SLC1A7: variants seen among roughly 807,000 people sequenced by gnomAD.
SLC1A7 encodes the protein excitatory amino acid transporter 5.
Under a neutral mutation model 47.7 loss-of-function variants are expected in SLC1A7, and 40 were observed. The observed-to-expected ratio is 0.84, with a 90% confidence interval of 0.65 to 1.09. The LOEUF is 1.09. Among genes scored for constraint, SLC1A7 ranks in the 50% least tolerant of loss-of-function variants. SLC1A7 has a pLI of 0.00. For synonymous variants in SLC1A7, 323 were observed against 325.6 expected (o/e 0.99, Z 0.09); for missense variants, 746 against 769.5 (o/e 0.97, Z 0.36).
chr1:53,125,191 G>T (rs1644869110), intron 2 of SLC1A7, among the ~76,000 whole-genome samples: 1 of 152,210 alleles, frequency 6.6e-6, no homozygotes, highest in Admixed American at 6.5e-5. Context: ...GTCCCGTCCA[G>T]ATGATTCGTT....
At chr1:53,097,135 G>T (rs1412534849) in intron 5 of SLC1A7, among the ~76,000 whole-genome samples, 1 of 121,720 alleles carries the variant, frequency 8.2e-6, no homozygotes, top group Non-Finnish European at 1.7e-5. Context: ...ACACCTACAC[G>T]CCCCGCCTTG....
intron 1 of SLC1A7, among the ~76,000 whole-genome samples, chr1:53,139,941 A>G (rs1645040424): frequency 6.6e-6 from 1 of 152,220 alleles, no homozygotes; most frequent in Non-Finnish European, 1.5e-5. Flanking sequence ...TGAGACACTC[A>G]TACACCAAGA....
chr1:53,100,373 CCCA>C (rs963083775), intron 5 of SLC1A7, among the ~76,000 whole-genome samples: 10 of 148,234 alleles, frequency 6.7e-5, no homozygotes, highest in Non-Finnish European at 1.0e-4. Flanking sequence ...ACTCACACGC[CCCA>C]CCTCGGTACA....
At chr1:53,089,287 CAG>C (rs1258500873) in intron 9 of SLC1A7, among the ~76,000 whole-genome samples, 1 of 149,560 alleles carries the variant, frequency 6.7e-6, no homozygotes, top group Non-Finnish European at 1.5e-5. Context: ...TTTTTTGAGA[CAG>C]AGTCTTGCTC....
At chr1:53,123,869 G>A (rs186740562) in intron 2 of SLC1A7, among the ~76,000 whole-genome samples, 243 of 152,322 alleles carry the variant, frequency 1.6e-3, no homozygotes, top group African/African-American at 5.7e-3. Context: ...CAGGTCCCAG[G>A]GCTCACACCA....
At chr1:53,089,764 C>A in intron 9 of SLC1A7, 36 bp downstream of exon 9, 10 of 1,610,384 alleles carry the variant, frequency 6.2e-6, no homozygotes, top group Non-Finnish European at 8.5e-6. Context: ...GTCAGCCCCT[C>A]CCAGAGGGCT....
chr1:53,113,700 G>A (rs910134871), intron 3 of SLC1A7, among the ~76,000 whole-genome samples: 2 of 152,030 alleles, frequency 1.3e-5, no homozygotes, highest in Non-Finnish European at 2.9e-5. Flanking sequence ...GGATCATGCC[G>A]CTTCTCTGTA....
intron 1 of SLC1A7, among the ~76,000 whole-genome samples, chr1:53,137,458 G>A (rs141355667): frequency 5.1e-4 from 77 of 151,986 alleles, no homozygotes; most frequent in African/African-American, 1.8e-3. Context: ...TCATCATTTT[G>A]ACATCTATCA....
chr1:53,105,603 A>G, intron 4 of SLC1A7, 129 bp downstream of exon 4: 2 of 794,700 alleles, frequency 2.5e-6, no homozygotes, highest in South Asian at 2.8e-5. Flanking sequence ...CCCCTCTAGC[A>G]TCCCACCTCC....
chr1:53,134,265 C>A, intron 2 of SLC1A7, 85 bp downstream of exon 2: 2 of 964,840 alleles, frequency 2.1e-6, no homozygotes, highest in Admixed American at 2.1e-5. Flanking sequence ...TGCTCTCCAG[C>A]CACCCACAGC....
At chr1:53,122,499 C>T (rs149619485) in intron 2 of SLC1A7, among the ~76,000 whole-genome samples, 1 of 152,326 alleles carries the variant, frequency 6.6e-6, no homozygotes, top group African/African-American at 2.4e-5. Context: ...TTCTTTTCCC[C>T]TGAGCAGAAG....
intron 2 of SLC1A7, among the ~76,000 whole-genome samples, chr1:53,124,051 G>C (rs995084264): frequency 4.6e-5 from 7 of 152,256 alleles, no homozygotes; most frequent in Non-Finnish European, 8.8e-5. Context: ...TCCCAAACCA[G>C]ACTTTGACGG....
chr1:53,092,879 C>G lies in SLC1A7; in HGVS notation c.798-92G>C, dbSNP rs975883618. On this transcript the variant is annotated intron_variant, in intron 6 of 10. Coordinates refer to ENST00000371494, the MANE Select transcript of SLC1A7 (RefSeq NM_006671.6). ...ATCGCTGCGCGGCCTTCCCCCTGAG[C>G]TTCCTGGGGCTCCTGCGAGGACAGA... 5 of 797,706 alleles carry G rather than the reference C, an allele frequency of 6.3e-6. No individual in the cohort carries two copies. The Admixed American group carries it at 8.1e-5, about 13-fold the overall frequency. 49.4% of individuals were successfully genotyped at this position (797,706 alleles called of 1,614,324 possible).
chr1:53,129,331 G>A (rs1644915159), intron 2 of SLC1A7, among the ~76,000 whole-genome samples: 1 of 152,162 alleles, frequency 6.6e-6, no homozygotes, highest in African/African-American at 2.4e-5. Flanking sequence ...GGACACTGAG[G>A]CTCAGATGCT....
rs1463656319 is a variant in SLC1A7, at chr1:53,090,796, G to T, written c.1042C>A (p.Leu348Met). The T allele has an allele frequency of 6.2e-7, 1 of 1,611,662 alleles. No homozygotes were observed. The highest frequency in any genetic ancestry group is 8.5e-7 in the Non-Finnish European group (1 of 1,178,976). Residue 348 changes from leucine (L) to methionine (M), a missense_variant, in exon 8 of 11, where the codon CTG becomes ATG. Coordinates refer to ENST00000371494, the MANE Select transcript of SLC1A7 (RefSeq NM_006671.6). ...ALATSSSSAT[L>M]PITFKCLLEN... ...AGCAGGCACTTGAAGGTGATGGGCA[G>T]TGTGGCTGAGCTACGGTTAGAGGGG... is the stretch of plus-strand genomic sequence containing the variant.
At chr1:53,114,715 C>A (rs374351928) in intron 3 of SLC1A7, 43 bp downstream of exon 3, 7 of 1,564,654 alleles carry the variant, frequency 4.5e-6, no homozygotes, top group Non-Finnish European at 6.2e-6. Flanking sequence ...AGGGCAGGCT[C>A]GGGCCTGGCG....
In SLC1A7 at chr1:53,101,492, C is replaced by T. The variant is rs188429959; in HGVS notation, c.697+1854G>A. 4.7e-4 allele frequency among the ~76,000 whole-genome samples: 71 copies of T among 151,200 alleles called. 1 individual carries two copies. Among genetic ancestry groups the T allele is most frequent in the African/African-American group, 1.5e-3 (62 of 41,138 alleles). On this transcript the variant is annotated intron_variant, in intron 5 of 10. Transcript: ENST00000371494. ...CTCGAAACACCCACACACACCACCT[C>T]GGTACACTCACACACCCTGCCTCAG...
At chr1:53,135,436 A>C (rs1456969226) in intron 1 of SLC1A7, among the ~76,000 whole-genome samples, 1 of 152,142 alleles carries the variant, frequency 6.6e-6, no homozygotes, top group African/African-American at 2.4e-5. Context: ...GAGAGAGAGG[A>C]TCAGATTGAA....
chr1:53,115,175 C>T (rs1572330858), intron 2 of SLC1A7: 1 of 604,988 alleles, frequency 1.7e-6, no homozygotes, highest in Non-Finnish European at 2.9e-6. Context: ...GCGCAGGCCA[C>T]ACACATCTGT....
Sources: gnomAD v4.1 joint callset for allele counts (sites outside exome capture counted in the v4.1 genomes callset) on GRCh38, gnomAD v4.1.1 for gene constraint, MANE v1.5 for transcripts, NCBI Gene and HGNC (gene_info 2026-07-23, HGNC 2026-07-21) for gene names.